Variants in BBX observed in about 807,000 individuals in gnomAD.
BBX encodes the protein HMG box transcription factor BBX.
A neutral mutation model predicts 100.2 loss-of-function variants in BBX; 30 were observed. That is an observed-to-expected ratio of 0.30 (90% confidence interval 0.22 to 0.41). The LOEUF is 0.41. Among genes scored for constraint, BBX ranks in the 10% least tolerant of loss-of-function variants. The pLI is 1.00. For synonymous variants in BBX, 376 were observed against 388.1 expected (o/e 0.97, Z 0.37); for missense variants, 1,023 against 1,129.8 (o/e 0.91, Z 1.35).
chr3:107,657,149 T>TA (rs2058191955), intron 3 of BBX: 2 of 152,186 alleles, frequency 1.3e-5, no homozygotes, highest in Non-Finnish European at 2.9e-5. Flanking sequence ...AAGACTGGTT[T>TA]AGGGGGCTTT....
intron 2 of BBX, among the ~76,000 whole-genome samples, chr3:107,566,175 CAAAA>C (rs754905445): frequency 5.2e-3 from 276 of 53,012 alleles, no homozygotes; most frequent in African/African-American, 0.018. Flanking sequence ...AACTCTGTCT[CAAAA>C]AAAAAAAAAA....
At chr3:107,698,330 T>TA (rs1373420078) in intron 3 of BBX, among the ~76,000 whole-genome samples, 25 of 151,384 alleles carry the variant, frequency 1.7e-4, no homozygotes, top group Non-Finnish European at 2.7e-4. Flanking sequence ...TATGTTTTTT[T>TA]TAAAAAAAAT....
chr3:107,655,136 A>T (rs1303196553), intron 3 of BBX, among the ~76,000 whole-genome samples: 2 of 152,190 alleles, frequency 1.3e-5, no homozygotes, highest in Non-Finnish European at 2.9e-5. Flanking sequence ...GGAAAGAATA[A>T]ATTAACATTT....
At chr3:107,658,396 T>G (rs966740878) in intron 3 of BBX, among the ~76,000 whole-genome samples, 1 of 152,178 alleles carries the variant, frequency 6.6e-6, no homozygotes, top group Non-Finnish European at 1.5e-5. Flanking sequence ...TTCAAATGCC[T>G]TACTCATAAG....
intron 5 of BBX, among the ~76,000 whole-genome samples, chr3:107,723,942 G>T (rs1166552685): frequency 6.6e-6 from 1 of 152,072 alleles, no homozygotes; most frequent in African/African-American, 2.4e-5. Flanking sequence ...GGGATGGCTG[G>T]GTCAAATGGT....
intron 3 of BBX, among the ~76,000 whole-genome samples, chr3:107,659,148 ACAT>A (rs1348626492): frequency 6.6e-6 from 1 of 151,812 alleles, no homozygotes; most frequent in African/African-American, 2.4e-5. Context: ...TTTAATCTTC[ACAT>A]CAGTCTGATG....
At chr3:107,595,209 C>T (rs1349891615) in intron 2 of BBX, among the ~76,000 whole-genome samples, 6 of 152,114 alleles carry the variant, frequency 3.9e-5, no homozygotes, top group East Asian at 1.9e-4. Flanking sequence ...TAAATACATA[C>T]GAGGTTCAGA....
At chr3:107,554,155 A>G (rs1290127287) in intron 2 of BBX, among the ~76,000 whole-genome samples, 1 of 152,198 alleles carries the variant, frequency 6.6e-6, no homozygotes, top group Non-Finnish European at 1.5e-5. Context: ...AGTGCCGGGT[A>G]TGGGGAAGGC....
intron 3 of BBX, among the ~76,000 whole-genome samples, chr3:107,697,034 G>T (rs2060657689): frequency 6.6e-6 from 1 of 151,716 alleles, no homozygotes. Context: ...CTCGAGCCTT[G>T]GTTTTCAGCT....
intron 10 of BBX, among the ~76,000 whole-genome samples, chr3:107,767,122 G>A (rs192193061): frequency 6.6e-6 from 1 of 152,302 alleles, no homozygotes; most frequent in East Asian, 1.9e-4. Context: ...TTATGTTGCA[G>A]CAGACCACCA....
intron 3 of BBX, among the ~76,000 whole-genome samples, chr3:107,658,924 G>A (rs1039613436): frequency 1.3e-5 from 2 of 152,056 alleles, no homozygotes; most frequent in African/African-American, 4.8e-5. Flanking sequence ...TGCATAGTCT[G>A]TGCAGTTTTA....
chr3:107,669,550 AT>A (rs1489912808), intron 3 of BBX, among the ~76,000 whole-genome samples: 1 of 152,168 alleles, frequency 6.6e-6, no homozygotes, highest in East Asian at 1.9e-4. Flanking sequence ...AAAGGGTTTG[AT>A]TTCAGGGAGT....
At chr3:107,705,022 C>A (rs1200894511) in intron 3 of BBX, among the ~76,000 whole-genome samples, 1 of 151,944 alleles carries the variant, frequency 6.6e-6, no homozygotes, top group African/African-American at 2.4e-5. Flanking sequence ...GCAGCAGGAC[C>A]CCTTGAAAGA....
chr3:107,783,216 C>T (rs62263962), intron 13 of BBX, among the ~76,000 whole-genome samples: 16,005 of 152,030 alleles, frequency 0.11, 1,061 homozygotes, highest in Middle Eastern at 0.16. Context: ...ACAATTAAAT[C>T]TTATCTATTT....
At chr3:107,786,566 A>G (rs758718538) in intron 13 of BBX, among the ~76,000 whole-genome samples, 10 of 152,194 alleles carry the variant, frequency 6.6e-5, no homozygotes, top group Non-Finnish European at 1.0e-4. Context: ...GTCTTTCCAA[A>G]AAATGATTCT....
intron 3 of BBX, among the ~76,000 whole-genome samples, chr3:107,647,626 T>C (rs2057597253): frequency 6.6e-6 from 1 of 152,140 alleles, no homozygotes; most frequent in African/African-American, 2.4e-5. Flanking sequence ...CAGGAGTAAT[T>C]GAGGAAACAA....
At chr3:107,729,818 A>T (rs1292611262) in intron 6 of BBX, among the ~76,000 whole-genome samples, 2 of 152,206 alleles carry the variant, frequency 1.3e-5, no homozygotes, top group Non-Finnish European at 1.5e-5. Context: ...TGATACTGTG[A>T]TAACACTTTT....
At chr3:107,786,769 C>T (rs1356247132) in intron 13 of BBX, among the ~76,000 whole-genome samples, 1 of 152,116 alleles carries the variant, frequency 6.6e-6, no homozygotes, top group Admixed American at 6.6e-5. Flanking sequence ...GCCCAAGCAA[C>T]AAAAGACAAA....
At chr3:107,800,139 A>G (rs574809587) in intron 16 of BBX, among the ~76,000 whole-genome samples, 4 of 152,338 alleles carry the variant, frequency 2.6e-5, no homozygotes, top group Admixed American at 2.0e-4. Context: ...GAAAAAATTC[A>G]AAGAGGTGGA....
Sources: gnomAD v4.1 joint callset for allele counts (sites outside exome capture counted in the v4.1 genomes callset) on GRCh38, gnomAD v4.1.1 for gene constraint, MANE v1.5 for transcripts, NCBI Gene and HGNC (gene_info 2026-07-23, HGNC 2026-07-21) for gene names.